Variants in KCND2 observed in about 807,000 individuals in gnomAD.
The protein encoded by KCND2 is potassium voltage-gated channel subfamily D member 2, also known as A-type voltage-gated potassium channel KCND2.
A neutral mutation model predicts 54.4 loss-of-function variants in KCND2; 16 were observed. The observed-to-expected ratio is 0.29, with a 90% CI of 0.20 to 0.45. The LOEUF is 0.45. Ranked by LOEUF, KCND2 falls within the 20% of genes least tolerant of loss-of-function variation. The probability of loss-of-function intolerance (pLI) is 1.00; values close to 1 mark genes in which losing one functional copy is unlikely to be tolerated. For synonymous variants in KCND2, 317 were observed against 310.7 expected (o/e 1.02, Z -0.21); for missense variants, 486 against 824.2 (o/e 0.59, Z 5.02).
At chr7:120,328,862 A>G (rs139002597) in intron 1 of KCND2, among the ~76,000 whole-genome samples, 93 of 152,262 alleles carry the variant, frequency 6.1e-4, no homozygotes, top group African/African-American at 2.2e-3. Context: ...ATAAACATAT[A>G]TTTAATAATG....
intron 1 of KCND2, among the ~76,000 whole-genome samples, chr7:120,507,156 A>C (rs1803036388): frequency 6.6e-6 from 1 of 151,944 alleles, no homozygotes; most frequent in African/African-American, 2.4e-5. Flanking sequence ...CAATATATTA[A>C]ACATTTTAAG....
intron 1 of KCND2, among the ~76,000 whole-genome samples, chr7:120,464,367 C>A (rs547407750): frequency 1.3e-5 from 2 of 152,156 alleles, no homozygotes; most frequent in South Asian, 4.2e-4. Context: ...TCTTTGGGGG[C>A]TTAAAAGCTA....
intron 2 of KCND2, among the ~76,000 whole-genome samples, chr7:120,739,335 A>C (rs1792911716): frequency 6.6e-6 from 1 of 152,064 alleles, no homozygotes; most frequent in South Asian, 2.1e-4. Context: ...CTTTTTGGAA[A>C]CCAATATATA....
chr7:120,343,418 G>A (rs1487900078), intron 1 of KCND2, among the ~76,000 whole-genome samples: 1 of 152,124 alleles, frequency 6.6e-6, no homozygotes, highest in Admixed American at 6.6e-5. Context: ...TCACTTTGGT[G>A]GACTATCAGA....
intron 1 of KCND2, among the ~76,000 whole-genome samples, chr7:120,702,742 G>A (rs1440431083): frequency 6.6e-6 from 1 of 152,026 alleles, no homozygotes; most frequent in Admixed American, 6.6e-5. Context: ...AAGAACACAT[G>A]GACACATAGA....
chr7:120,587,646 T>G (rs1249846986), intron 1 of KCND2, among the ~76,000 whole-genome samples: 1 of 152,122 alleles, frequency 6.6e-6, no homozygotes, highest in African/African-American at 2.4e-5. Context: ...GTAACATCAG[T>G]CACTCTGTTC....
chr7:120,561,485 G>A (rs1252463069), intron 1 of KCND2, among the ~76,000 whole-genome samples: 1 of 151,748 alleles, frequency 6.6e-6, no homozygotes, highest in Non-Finnish European at 1.5e-5. Context: ...GTATTTTACA[G>A]GTGAGGAAAC....
At chr7:120,476,919 T>C (rs1418227799) in intron 1 of KCND2, among the ~76,000 whole-genome samples, 1 of 152,174 alleles carries the variant, frequency 6.6e-6, no homozygotes, top group Admixed American at 6.5e-5. Flanking sequence ...CTTTTCCAAA[T>C]GCCAGCAAGA....
At chr7:120,544,835 G>C (rs905208197) in intron 1 of KCND2, among the ~76,000 whole-genome samples, 1 of 151,916 alleles carries the variant, frequency 6.6e-6, no homozygotes, top group South Asian at 2.1e-4. Context: ...AAAATCACCT[G>C]GTTTTCTTGG....
At chr7:120,498,154 C>A (rs1356240378) in intron 1 of KCND2, among the ~76,000 whole-genome samples, 3 of 152,034 alleles carry the variant, frequency 2.0e-5, no homozygotes, top group Non-Finnish European at 2.9e-5. Context: ...ATCCCAGGGC[C>A]TATTGGAAAA....
At chr7:120,431,367 T>C (rs1431838181) in intron 1 of KCND2, among the ~76,000 whole-genome samples, 4 of 152,194 alleles carry the variant, frequency 2.6e-5, no homozygotes, top group Non-Finnish European at 5.9e-5. Context: ...GAAAACACCT[T>C]TTCATGGAAG....
chr7:120,424,534 C>T (rs188448228), intron 1 of KCND2, among the ~76,000 whole-genome samples: 3 of 152,248 alleles, frequency 2.0e-5, no homozygotes, highest in South Asian at 2.1e-4. Flanking sequence ...TGTTAAAGGT[C>T]GTAAACCTAG....
chr7:120,399,529 T>C (rs2116075750), intron 1 of KCND2, among the ~76,000 whole-genome samples: 1 of 152,116 alleles, frequency 6.6e-6, no homozygotes, highest in African/African-American at 2.4e-5. Context: ...ATTGTGATCA[T>C]TGTATTAAAA....
chr7:120,695,129 G>A (rs1433694765), intron 1 of KCND2, among the ~76,000 whole-genome samples: 2 of 151,950 alleles, frequency 1.3e-5, no homozygotes, highest in East Asian at 1.9e-4. Context: ...AATACATGAT[G>A]TAGCATGATT....
chr7:120,554,313 C>T (rs1395293992), intron 1 of KCND2, among the ~76,000 whole-genome samples: 1 of 152,202 alleles, frequency 6.6e-6, no homozygotes, highest in Non-Finnish European at 1.5e-5. Flanking sequence ...CATTAACTTG[C>T]ATCAGAATCA....
chr7:120,523,704 CTGTGTGTGTGTG>C lies in KCND2; in HGVS notation c.1116-209167_1116-209156del, dbSNP rs199762798. 2.4e-3 allele frequency among the ~76,000 whole-genome samples: 333 copies of C among 137,224 alleles called. 2 individuals carry two copies. The highest frequency in any genetic ancestry group is 0.018 in the East Asian group (86 of 4,794). 90.0% of individuals were successfully genotyped at this position (137,224 alleles called of 152,430 possible). On this transcript the variant is annotated intron_variant, in intron 1 of 5. Coordinates refer to ENST00000331113, the MANE Select transcript of KCND2 (RefSeq NM_012281.3). ...ACACAGATATACACACACACACACTCTGTGTGTGTGTGTGTGTGTGTGTGTGTGTGTGTGTGT... is the reference window on the plus strand; with the variant it reads ...ACACAGATATACACACACACACACTCTGTGTGTGTGTGTGTGTGTGTGTGT...
chr7:120,302,340 A>G (rs1165090454), intron 1 of KCND2, among the ~76,000 whole-genome samples: 2 of 152,154 alleles, frequency 1.3e-5, no homozygotes, highest in African/African-American at 2.4e-5. Context: ...GCTCACTGCA[A>G]CGTACGCCTC....
At chr7:120,554,050 G>A (rs1214278780) in intron 1 of KCND2, among the ~76,000 whole-genome samples, 1 of 152,170 alleles carries the variant, frequency 6.6e-6, no homozygotes, top group African/African-American at 2.4e-5. Flanking sequence ...AGAATTAAAA[G>A]TGTTTTGTCA....
chr7:120,713,873 G>GT (rs1408734324), intron 1 of KCND2, among the ~76,000 whole-genome samples: 2 of 152,084 alleles, frequency 1.3e-5, no homozygotes, highest in Non-Finnish European at 2.9e-5. Flanking sequence ...TCTTGTTTTG[G>GT]TTTGGCTTAA....
Sources: allele counts gnomAD v4.1 joint callset (sites outside exome capture counted in the v4.1 genomes callset), GRCh38; gene constraint gnomAD v4.1.1; transcripts MANE v1.5; gene names NCBI Gene and HGNC (gene_info 2026-07-23, HGNC 2026-07-21).